Variants in RSU1 observed in about 807,000 individuals in gnomAD.
The protein encoded by RSU1 is rsu-1.
Under a neutral mutation model 31.1 loss-of-function variants are expected in RSU1, and 26 were observed. The observed-to-expected ratio is 0.84, with a 90% confidence interval of 0.61 to 1.16. The LOEUF is 1.16. RSU1 is among the 50% of genes most tolerant of loss of function. The pLI is 0.00. For missense variants in RSU1, 320 were observed against 339.1 expected, an observed-to-expected ratio of 0.94 and a Z score of 0.44; for synonymous variants, 164 against 136.3, an observed-to-expected ratio of 1.20 and a Z score of -1.41.
intron 7 of RSU1, among the ~76,000 whole-genome samples, chr10:16,738,480 T>C (rs150025103): frequency 6.6e-4 from 101 of 151,900 alleles, no homozygotes; most frequent in African/African-American, 1.5e-3. Flanking sequence ...TGAAAATCAA[T>C]CACGTAAGCT....
At chr10:16,810,477 C>T (rs903888686) in intron 2 of RSU1, among the ~76,000 whole-genome samples, 6 of 152,234 alleles carry the variant, frequency 3.9e-5, no homozygotes, top group African/African-American at 9.6e-5. Context: ...AGCCGCCCCC[C>T]GGGCTATGCA....
At chr10:16,795,926 G>A (rs925358003) in intron 2 of RSU1, among the ~76,000 whole-genome samples, 12 of 152,264 alleles carry the variant, frequency 7.9e-5, no homozygotes, top group African/African-American at 2.9e-4. Context: ...CTCCGCTTGA[G>A]CAGCAGCTCT....
intron 3 of RSU1, among the ~76,000 whole-genome samples, chr10:16,765,576 CTG>C (rs998748806): frequency 6.6e-6 from 1 of 152,200 alleles, no homozygotes; most frequent in Non-Finnish European, 1.5e-5. Flanking sequence ...AAAGCACAAA[CTG>C]TAAATTGGCA....
chr10:16,781,918 GT>G, intron 3 of RSU1, 115 bp downstream of exon 3: 1 of 874,766 alleles, frequency 1.1e-6, no homozygotes, highest in East Asian at 2.4e-5. Flanking sequence ...GTAAACTAAG[GT>G]TTCTGCAAAT....
At chr10:16,768,398 G>C (rs1273887385) in intron 3 of RSU1, among the ~76,000 whole-genome samples, 2 of 152,164 alleles carry the variant, frequency 1.3e-5, no homozygotes, top group Non-Finnish European at 2.9e-5. Context: ...GTAGAACTTC[G>C]CTTCTGACAG....
chr10:16,752,143 T>C lies in RSU1; in HGVS notation c.598+396A>G, dbSNP rs73606856. 8.1e-3 allele frequency among the ~76,000 whole-genome samples: 1,228 copies of C among 152,232 alleles called. 12 individuals carry two copies. The highest frequency in any genetic ancestry group is 0.028 in the African/African-American group (1,154 of 41,542). Reference sequence around the variant, plus strand: ...AAAGTTTTTCCAGGTCAATAAAAATTTAAGGGGTTAAAAAGTAAGAGTGAT... The same window carrying C: ...AAAGTTTTTCCAGGTCAATAAAAATCTAAGGGGTTAAAAAGTAAGAGTGAT... On this transcript the variant is annotated intron_variant, in intron 7 of 8. Coordinates refer to ENST00000345264, the MANE Select transcript of RSU1 (RefSeq NM_012425.4).
chr10:16,703,653 T>C (rs1053418144), intron 7 of RSU1, among the ~76,000 whole-genome samples: 7 of 152,128 alleles, frequency 4.6e-5, no homozygotes, highest in Admixed American at 3.9e-4. Flanking sequence ...CATGGGGCAA[T>C]GGTCATGACA....
At chr10:16,782,701 A>G (rs1028260230) in intron 2 of RSU1, among the ~76,000 whole-genome samples, 3 of 152,136 alleles carry the variant, frequency 2.0e-5, no homozygotes, top group Admixed American at 6.6e-5. Flanking sequence ...GGCTTCAAAC[A>G]TTATCATGGT....
In RSU1 at chr10:16,752,969, G is replaced by A. The variant is rs530307151; in HGVS notation, c.432C>T (p.Asn144=). The change falls in exon 6 of 9, where the codon AAC becomes AAT. Residue 144 remains asparagine (N), a synonymous_variant. Transcript: ENST00000345264. Reference sequence around the variant, plus strand: ...TATCTGGCGGCAGGATTTCAAAATCGTTGTCACTTAGATAGAGTGCACGCA... The same window carrying A: ...TATCTGGCGGCAGGATTTCAAAATCATTGTCACTTAGATAGAGTGCACGCA... The part of the protein sequence containing the change: ...TTLRALYLSD[N]DFEILPPDIG... The A allele has an allele frequency of 5.0e-6, 8 of 1,613,898 alleles. No homozygotes were observed. The highest frequency in any genetic ancestry group is 1.3e-5 in the African/African-American group (1 of 75,026).
intron 3 of RSU1, among the ~76,000 whole-genome samples, chr10:16,777,659 A>G (rs987614226): frequency 6.6e-6 from 1 of 152,208 alleles, no homozygotes; most frequent in African/African-American, 2.4e-5. Context: ...TTGTCCCCAA[A>G]AGAAACTCCT....
At chr10:16,695,252 C>T (rs1443337228) in intron 7 of RSU1, 97 bp from the exon 8 acceptor site, 6 of 1,214,318 alleles carry the variant, frequency 4.9e-6, no homozygotes, top group Non-Finnish European at 6.8e-6. Flanking sequence ...TACCCTAAAT[C>T]AAACCCTAAG....
intron 4 of RSU1, among the ~76,000 whole-genome samples, chr10:16,758,961 G>C (rs926178985): frequency 2.0e-5 from 3 of 152,322 alleles, no homozygotes; most frequent in Admixed American, 1.3e-4. Context: ...CGTGTTGGAA[G>C]TGGGCAAATG....
At chr10:16,764,071 G>A (rs1436842193) in intron 4 of RSU1, among the ~76,000 whole-genome samples, 4 of 152,018 alleles carry the variant, frequency 2.6e-5, no homozygotes, top group Non-Finnish European at 4.4e-5. Flanking sequence ...CCACTTGTCC[G>A]CCAGTTCATG....
chr10:16,794,672 G>A (rs1837990234), intron 2 of RSU1, among the ~76,000 whole-genome samples: 1 of 152,222 alleles, frequency 6.6e-6, no homozygotes, highest in Non-Finnish European at 1.5e-5. Flanking sequence ...AGCAGAATCA[G>A]AACAGAGTAC....
At chr10:16,708,046 C>T (rs923459438) in intron 7 of RSU1, among the ~76,000 whole-genome samples, 3 of 152,084 alleles carry the variant, frequency 2.0e-5, no homozygotes, top group Admixed American at 6.6e-5. Context: ...ATTTATTTGT[C>T]GGCTCTCTAT....
At chr10:16,741,334 G>C (rs773307972) in intron 7 of RSU1, among the ~76,000 whole-genome samples, 17 of 152,112 alleles carry the variant, frequency 1.1e-4, no homozygotes, top group African/African-American at 3.4e-4. Context: ...AGATATAAAT[G>C]TAAGAGCCAA....
At chr10:16,630,356 C>T (rs912452498) in intron 8 of RSU1, among the ~76,000 whole-genome samples, 9 of 152,336 alleles carry the variant, frequency 5.9e-5, no homozygotes, top group African/African-American at 1.9e-4. Flanking sequence ...ACTCTGTGTT[C>T]TTTCTCCACT....
intron 8 of RSU1, among the ~76,000 whole-genome samples, chr10:16,643,998 T>G (rs1406155920): frequency 6.6e-6 from 1 of 152,024 alleles, no homozygotes; most frequent in Non-Finnish European, 1.5e-5. Flanking sequence ...CCAGAGATGA[T>G]TTCAAGTATA....
At chr10:16,603,491 G>T (rs1441760713) in intron 8 of RSU1, among the ~76,000 whole-genome samples, 4 of 152,240 alleles carry the variant, frequency 2.6e-5, no homozygotes, top group Non-Finnish European at 5.9e-5. Flanking sequence ...TGTATCAGAG[G>T]TCCAAGCTGT....
Sources: allele counts gnomAD v4.1 joint callset (sites outside exome capture counted in the v4.1 genomes callset), GRCh38; gene constraint gnomAD v4.1.1; transcripts MANE v1.5; gene names NCBI Gene and HGNC (gene_info 2026-07-23, HGNC 2026-07-21).